PDXDC1: variants seen among roughly 807,000 people sequenced by gnomAD.
PDXDC1 encodes the protein pyridoxal-dependent decarboxylase domain-containing protein 1.
PDXDC1 carries 42 observed loss-of-function variants against 100.1 expected under a neutral mutation model. The observed-to-expected ratio is 0.42, with a 90% CI of 0.33 to 0.54. The LOEUF is 0.54. PDXDC1 is among the 20% of genes least tolerant of loss of function. The pLI is 0.10. For missense variants in PDXDC1, 636 were observed against 979.2 expected (o/e 0.65, Z 4.68); for synonymous variants, 260 against 371.7 (o/e 0.70, Z 3.46).
intron 16 of PDXDC1, among the ~76,000 whole-genome samples, chr16:15,068,477 G>A (rs2151768678): frequency 6.6e-6 from 1 of 152,240 alleles, no homozygotes; most frequent in East Asian, 1.9e-4. Context: ...CACATTCATT[G>A]GTCACCAAGG....
At chr16:15,106,681 G>T (rs1353645923) in intron 16 of PDXDC1, among the ~76,000 whole-genome samples, 1 of 143,124 alleles carries the variant, frequency 7.0e-6, no homozygotes. Flanking sequence ...CTTGAACCTG[G>T]GAGGCGGAGG....
chr16:15,035,836 A>AT (rs544543673), intron 22 of PDXDC1, among the ~76,000 whole-genome samples, 180 bp from the exon 23 acceptor site: 284 of 152,002 alleles, frequency 1.9e-3, no homozygotes, highest in Non-Finnish European at 3.0e-3. Context: ...CGGCCTGGGG[A>AT]GCATGTTGGT....
At chr16:15,104,445 A>G in intron 16 of PDXDC1, 13 of 1,278,194 alleles carry the variant, frequency 1.0e-5, no homozygotes, top group South Asian at 4.5e-5. Context: ...GGTGGAGCTG[A>G]GGGTGGAAGG....
At position 15,033,944 on chromosome 16, in the gene PDXDC1, C is replaced by T. The variant is rs930955315; in HGVS notation, c.1813-342C>T. 5 of 432,612 alleles carry T rather than the reference C, an allele frequency of 1.2e-5. No individual in the cohort carries two copies. In the Admixed American group the frequency reaches 1.8e-4, roughly 16 times the overall value. 26.8% of individuals were successfully genotyped at this position (432,612 alleles called of 1,614,324 possible). On this transcript the variant is annotated intron_variant, in intron 19 of 22. Coordinates refer to ENST00000396410, the MANE Select transcript of PDXDC1 (RefSeq NM_015027.4). ...GAGAAGAGGGACCAAGGTAAGACTG[C>T]TCTGAAAGGAGAGAGACACGAGCCA... is the stretch of plus-strand genomic sequence containing the variant.
In PDXDC1 at chr16:15,038,008, C is replaced by T; in HGVS notation, c.*1733C>T. ...AATGGTCTGTCAGGCCAAGAAGGTG[C>T]TTTCTTTGGTAATTCATGTTTTTTA... is the stretch of plus-strand genomic sequence containing the variant. On this transcript the variant is annotated 3_prime_UTR_variant, in exon 23 of 23. Transcript: ENST00000396410. The T allele has an allele frequency of 6.3e-7, 1 of 1,592,458 alleles. No individual in the cohort carries two copies. The highest frequency in any genetic ancestry group is 1.1e-5 in the South Asian group (1 of 89,412).
At chr16:15,130,240 G>A (rs770854754) in intron 16 of PDXDC1, 2 of 1,549,192 alleles carry the variant, frequency 1.3e-6, no homozygotes, top group East Asian at 2.4e-5. Flanking sequence ...GGCACGAAGA[G>A]GCTGGCGCCG....
chr16:15,130,856 T>C (rs2048017951), intron 16 of PDXDC1: 2 of 730,442 alleles, frequency 2.7e-6, no homozygotes, highest in Non-Finnish European at 4.8e-6. Flanking sequence ...ACACCCACGA[T>C]GGCCCTCCTG....
At position 15,031,944 on chromosome 16, in the gene PDXDC1, T is replaced by C. The variant is rs114442299; in HGVS notation, c.1571+38T>C. On this transcript the variant is annotated intron_variant, in intron 17 of 22. Coordinates refer to ENST00000396410, the MANE Select transcript of PDXDC1 (RefSeq NM_015027.4). ...CCTGCCGCTTGATGTTGGAGACTTT[T>C]CTGTATAAAGAACATGAGTGGGTCA... 54 of 1,534,134 alleles carry C rather than the reference T, an allele frequency of 3.5e-5. 1 individual carries two copies. The African/African-American group carries it at 6.1e-4, about 17-fold the overall frequency.
intron 16 of PDXDC1, chr16:15,061,784 CCCA>C (rs1271746605): frequency 6.2e-7 from 1 of 1,614,032 alleles, no homozygotes; most frequent in East Asian, 2.2e-5. Flanking sequence ...GGGTGGGGAG[CCCA>C]CACTACTTGA....
At chr16:15,132,391 T>C (rs1459330100) in intron 16 of PDXDC1, among the ~76,000 whole-genome samples, 4 of 11,426 alleles carry the variant, frequency 3.5e-4, no homozygotes, top group Non-Finnish European at 5.0e-4. Flanking sequence ...AGGGGAGGGG[T>C]TAGGGGAGGG....
intron 16 of PDXDC1, among the ~76,000 whole-genome samples, chr16:15,085,337 A>T (rs1430115257): frequency 7.3e-6 from 1 of 137,150 alleles, no homozygotes; most frequent in African/African-American, 2.6e-5. Flanking sequence ...TTTTTTTTTT[A>T]AAGAAGACAG....
At chr16:15,106,670 A>G (rs2046816262) in intron 16 of PDXDC1, among the ~76,000 whole-genome samples, 1 of 145,110 alleles carries the variant, frequency 6.9e-6, no homozygotes, top group African/African-American at 2.4e-5. Context: ...CAGGGGAATC[A>G]CTTGAACCTG....
chr16:15,148,208 T>C, the PDXDC1 span, among the ~76,000 whole-genome samples: 1 of 151,138 alleles, frequency 6.6e-6, no homozygotes, highest in Non-Finnish European at 1.5e-5. Flanking sequence ...TCAAGCCATC[T>C]GCTCTCCTAA....
chr16:14,992,528 T>C (rs1300731869), intron 1 of PDXDC1, among the ~76,000 whole-genome samples: 10 of 152,286 alleles, frequency 6.6e-5, no homozygotes, highest in Admixed American at 1.3e-4. Flanking sequence ...CTCATTCTCT[T>C]CACTGTCTGC....
At chr16:15,110,947 G>A in intron 16 of PDXDC1, 1 of 731,810 alleles carries the variant, frequency 1.4e-6, no homozygotes, top group South Asian at 1.8e-5. Flanking sequence ...TGGCCAAGAT[G>A]GTGAAACCCC....
chr16:15,036,296 A>G lies in PDXDC1; in HGVS notation c.*21A>G, dbSNP rs762884949. On this transcript the variant is annotated 3_prime_UTR_variant, in exon 23 of 23. Coordinates refer to ENST00000396410, the MANE Select transcript of PDXDC1 (RefSeq NM_015027.4). ...GATGAGACTCATTGTGTGGTTTGAG[A>G]CTGTACTGAGTATTGTTTCAGGGAA... 37 of 1,601,900 alleles carry G rather than the reference A, an allele frequency of 2.3e-5. No homozygotes were observed. The highest frequency in any genetic ancestry group is 2.9e-5 in the Non-Finnish European group (34 of 1,170,624).
intron 8 of PDXDC1, among the ~76,000 whole-genome samples, chr16:15,014,363 G>C (rs1279991971): frequency 6.6e-6 from 1 of 152,286 alleles, no homozygotes; most frequent in Non-Finnish European, 1.5e-5. Flanking sequence ...GCATGTGACT[G>C]AGTGACTTGC....
chr16:15,104,273 C>T, intron 16 of PDXDC1: 2 of 1,395,094 alleles, frequency 1.4e-6, no homozygotes, highest in South Asian at 1.5e-5. Context: ...GCAATCATAC[C>T]AGATATTGAA....
At chr16:15,041,319 A>G (rs145060741), downstream of PDXDC1, among the ~76,000 whole-genome samples, 4 of 152,258 alleles carry the variant, frequency 2.6e-5, no homozygotes, top group East Asian at 7.7e-4. Context: ...TGGCAGCTGC[A>G]GAATCGGTCC....
Sources: allele counts gnomAD v4.1 joint callset (sites outside exome capture counted in the v4.1 genomes callset), GRCh38; gene constraint gnomAD v4.1.1; transcripts MANE v1.5; gene names NCBI Gene and HGNC (gene_info 2026-07-23, HGNC 2026-07-21).